The following KCNQ1 variants were observed in gnomAD, a reference collection of about 807,000 sequenced individuals.
The protein encoded by KCNQ1 is potassium voltage-gated channel subfamily KQT member 1.
In KCNQ1, 49 loss-of-function variants were observed where a neutral mutation model predicts 72.4. The observed-to-expected ratio is 0.68, with a 90% CI of 0.54 to 0.86. KCNQ1 has a LOEUF of 0.86. Ranked by LOEUF, KCNQ1 falls within the 40% of genes least tolerant of loss-of-function variation. KCNQ1 has a pLI of 0.00. For synonymous variants in KCNQ1, 450 were observed against 412.6 expected (o/e 1.09, Z -1.10); for missense variants, 790 against 945.1 (o/e 0.84, Z 2.15).
intron 2 of KCNQ1, among the ~76,000 whole-genome samples, chr11:2,552,904 G>C (rs988430488): frequency 6.6e-6 from 1 of 152,192 alleles, no homozygotes; most frequent in African/African-American, 2.4e-5. Flanking sequence ...CGGTGTCTTA[G>C]ATATTTTTCA....
chr11:2,775,363 G>A (rs1846674582), intron 12 of KCNQ1, among the ~76,000 whole-genome samples: 1 of 152,234 alleles, frequency 6.6e-6, no homozygotes, highest in Non-Finnish European at 1.5e-5. Flanking sequence ...CAGCCCCACT[G>A]TGGGAGCCCA....
rs970483702 is a variant in KCNQ1, at chr11:2,473,465, G to A, written c.386+27981G>A. On this transcript the variant is annotated intron_variant, in intron 1 of 15. Coordinates refer to ENST00000155840, the MANE Select transcript of KCNQ1 (RefSeq NM_000218.3). This position sits in a 1 kb window ranked among gnomAD's most constrained non-coding sequence, Gnocchi z 6.0. ...TGGGCCCTCCCAGGTGAGCGGGTTG[G>A]GAAAGGAAAGGGTCTGTGCTGGGAA... Among the ~76,000 whole-genome samples, 9 of 152,118 alleles carry A rather than the reference G, an allele frequency of 5.9e-5. No individual in the cohort carries two copies. Among genetic ancestry groups the A allele is most frequent in the African/African-American group, 2.2e-4 (9 of 41,432 alleles).
intron 11 of KCNQ1, chr11:2,700,050 G>A (rs1309474106): frequency 1.8e-5 from 7 of 397,996 alleles, no homozygotes; most frequent in East Asian, 3.6e-5. Flanking sequence ...CGTGGCGACC[G>A]CCCCCCACCT....
At position 2,762,547 on chromosome 11, in the gene KCNQ1, C is replaced by T. The variant is rs757380306; in HGVS notation, c.1515-6297C>T. Among the ~76,000 whole-genome samples, 1 of 152,214 alleles carries T rather than the reference C, an allele frequency of 6.6e-6. No homozygotes were observed. Among genetic ancestry groups the T allele is most frequent in the Non-Finnish European group, 1.5e-5 (1 of 68,048 alleles). The stretch of plus-strand genomic sequence containing the variant: ...TTTGTGTGTCTAATGTCCTATTCCA[C>T]GGGTCCCCAGGCCACAGACCGGTAC... On this transcript the variant is annotated intron_variant, in intron 11 of 15. Transcript: ENST00000155840. This position sits in a 1 kb window ranked among gnomAD's most constrained non-coding sequence, Gnocchi z 4.3.
Position 2,676,739 on chromosome 11 carries a change from T to C in KCNQ1, c.1514+14658T>C. 1 of 398,588 alleles carries C rather than the reference T, an allele frequency of 2.5e-6. No individual in the cohort carries two copies. Among genetic ancestry groups the C allele is most frequent in the Non-Finnish European group, 4.4e-6 (1 of 226,062 alleles). 24.7% of individuals were successfully genotyped at this position (398,588 alleles called of 1,614,324 possible). A position where few individuals can be genotyped will look rare whatever the true frequency, so the allele number is the denominator to read the frequency against. On this transcript the variant is annotated intron_variant, in intron 11 of 15. Coordinates refer to ENST00000155840, the MANE Select transcript of KCNQ1 (RefSeq NM_000218.3). This position sits in a 1 kb window ranked among gnomAD's most constrained non-coding sequence, Gnocchi z 4.2. ...AAGTCATATGCATAGTGGCTTTGGG[T>C]ACGATGGTCTGCTGTATGAAGCAAC...
intron 1 of KCNQ1, among the ~76,000 whole-genome samples, chr11:2,523,142 C>G (rs75364304): frequency 0.027 from 4,098 of 152,286 alleles, 150 homozygotes; most frequent in African/African-American, 0.086. Flanking sequence ...TGAGTGCCCA[C>G]CCTGCACATG....
chr11:2,678,231 G>A lies in KCNQ1; in HGVS notation c.1514+16150G>A, dbSNP rs982670872. 2.5e-6 allele frequency: 1 copy of A among 398,076 alleles called. No homozygotes were observed. The highest frequency in any genetic ancestry group is 2.1e-5 in the African/African-American group (1 of 48,566). 24.7% of individuals were successfully genotyped at this position (398,076 alleles called of 1,614,324 possible). On this transcript the variant is annotated intron_variant, in intron 11 of 15. Transcript: ENST00000155840. The surrounding 1 kb of genome is among the most constrained non-coding windows in gnomAD (Gnocchi z 4.9). ...CAGCTGTGTCAGTCTTTTATGGTTT[G>A]AGGTCCTTATCTTAAATTCTGAAAT...
At chr11:2,811,239 G>A (rs1389266863) in intron 15 of KCNQ1, among the ~76,000 whole-genome samples, 1 of 152,190 alleles carries the variant, frequency 6.6e-6, no homozygotes, top group Non-Finnish European at 1.5e-5. Flanking sequence ...CACGACCCCT[G>A]TCCGGCTTCC....
At chr11:2,460,146 T>C (rs908283219) in intron 1 of KCNQ1, among the ~76,000 whole-genome samples, 4 of 151,932 alleles carry the variant, frequency 2.6e-5, no homozygotes, top group Admixed American at 2.0e-4. Flanking sequence ...TGTCCGGAGA[T>C]GCAACAGGGC....
intron 10 of KCNQ1, chr11:2,630,836 AC>A: frequency 2.5e-6 from 1 of 398,490 alleles, no homozygotes; most frequent in Non-Finnish European, 4.4e-6. Flanking sequence ...TATCTGAAGG[AC>A]AGCTTTGCTG....
At chr11:2,837,869 C>T (rs924393318) in intron 15 of KCNQ1, among the ~76,000 whole-genome samples, 52 of 152,238 alleles carry the variant, frequency 3.4e-4, no homozygotes, top group African/African-American at 1.1e-3. Context: ...GACCCTCAGC[C>T]GAGGCTGGTA....
intron 4 of KCNQ1, among the ~76,000 whole-genome samples, chr11:2,571,608 A>G (rs1022926459): frequency 6.6e-6 from 1 of 152,034 alleles, no homozygotes. Context: ...TCAACCCAAG[A>G]TGCCTCAGGC....
At position 2,471,728 on chromosome 11, in the gene KCNQ1, GTGTGTA is replaced by G; in HGVS notation, c.386+26250_386+26255del. ...TAGGTGTGTGTATGTGTGCATGGGC[GTGTGTA>G]TGTGTGCATGGGCGTGTGTGTACTT... On this transcript the variant is annotated intron_variant, in intron 1 of 15. Coordinates refer to ENST00000155840, the MANE Select transcript of KCNQ1 (RefSeq NM_000218.3). This position sits in a 1 kb window ranked among gnomAD's most constrained non-coding sequence, Gnocchi z 4.8. Among the ~76,000 whole-genome samples, 1 of 140,210 alleles carries G rather than the reference GTGTGTA, an allele frequency of 7.1e-6. No individual in the cohort carries two copies. The highest frequency in any genetic ancestry group is 2.1e-4 in the South Asian group (1 of 4,680). 92.0% of individuals were successfully genotyped at this position (140,210 alleles called of 152,430 possible).
rs2133655765 is a variant in KCNQ1 at position 2,507,561 on chromosome 11, T to A, written c.387-20367T>A. 6.6e-6 allele frequency among the ~76,000 whole-genome samples: 1 copy of A among 152,250 alleles called. No homozygotes were observed. Among genetic ancestry groups the A allele is most frequent in the Non-Finnish European group, 1.5e-5 (1 of 68,018 alleles). On this transcript the variant is annotated intron_variant, in intron 1 of 15. Coordinates refer to ENST00000155840, the MANE Select transcript of KCNQ1 (RefSeq NM_000218.3). The surrounding 1 kb of genome is among the most constrained non-coding windows in gnomAD (Gnocchi z 5.4). ...CTCGCACCTGGGAGGATGCACTTTC[T>A]GTTTCTGACATGGGTCAGGGTTGGG...
chr11:2,449,699 G>A (rs929738166), intron 1 of KCNQ1, among the ~76,000 whole-genome samples: 6 of 152,202 alleles, frequency 3.9e-5, no homozygotes, highest in Non-Finnish European at 5.9e-5. Context: ...CGTGCCCACC[G>A]AGGGTGTCAG....
At chr11:2,587,448 G>C in intron 8 of KCNQ1, 122 bp from the exon 9 acceptor site, 1 of 1,430,310 alleles carries the variant, frequency 7.0e-7, no homozygotes, top group Middle Eastern at 2.1e-4. Context: ...TGAGGTCCCA[G>C]ACCCTGCCAC....
rs1339900934 is a variant in KCNQ1, at chr11:2,816,989, T to A, written c.1795-30778T>A. ...AACCTTGGTCCCTGTCCGCAGAGGG[T>A]GTCAGGGCTTGAGGTCAACAGGGAG... On this transcript the variant is annotated intron_variant, in intron 15 of 15. Coordinates refer to ENST00000155840, the MANE Select transcript of KCNQ1 (RefSeq NM_000218.3). The surrounding 1 kb of genome is among the most constrained non-coding windows in gnomAD (Gnocchi z 6.8). 1.3e-5 allele frequency among the ~76,000 whole-genome samples: 2 copies of A among 151,948 alleles called. No individual in the cohort carries two copies. The highest frequency in any genetic ancestry group is 3.9e-4 in the East Asian group (2 of 5,142).
intron 2 of KCNQ1, among the ~76,000 whole-genome samples, chr11:2,529,499 C>T (rs1245165974): frequency 2.0e-5 from 3 of 151,840 alleles, no homozygotes; most frequent in Admixed American, 1.3e-4. Flanking sequence ...TTTATGGTTT[C>T]ATTATGTAGA....
chr11:2,738,438 C>T (rs1258000178), intron 11 of KCNQ1, among the ~76,000 whole-genome samples: 1 of 152,182 alleles, frequency 6.6e-6, no homozygotes, highest in Non-Finnish European at 1.5e-5. Context: ...AGGTCGGGGC[C>T]ACTGGCACTA....
Sources: allele counts gnomAD v4.1 joint callset (sites outside exome capture counted in the v4.1 genomes callset), GRCh38; gene constraint gnomAD v4.1.1; non-coding constraint Gnocchi (gnomAD v3.1); transcripts MANE v1.5; gene names NCBI Gene and HGNC (gene_info 2026-07-23, HGNC 2026-07-21).